Variants in CORO2B observed in about 807,000 individuals in gnomAD.
CORO2B encodes coronin-2B.
Under a neutral mutation model 58.8 loss-of-function variants are expected in CORO2B, and 26 were observed. The observed-to-expected ratio is 0.44, with a 90% confidence interval of 0.32 to 0.61. CORO2B has a LOEUF of 0.61. CORO2B is among the 20% of genes least tolerant of loss of function. The pLI, the probability that CORO2B is intolerant of heterozygous loss-of-function variation, is 0.04. For missense variants in CORO2B, 460 were observed against 645.1 expected (o/e 0.71, Z 3.11); for synonymous variants, 242 against 253.8 (o/e 0.95, Z 0.44).
chr15:68,723,512 T>G (rs1262971660), intron 11 of CORO2B, among the ~76,000 whole-genome samples: 1 of 151,850 alleles, frequency 6.6e-6, no homozygotes, highest in Non-Finnish European at 1.5e-5. Flanking sequence ...TGGAGTGCAG[T>G]GGCATGATCT....
intron 2 of CORO2B, among the ~76,000 whole-genome samples, chr15:68,670,853 C>G (rs1902368185): frequency 6.6e-6 from 1 of 152,146 alleles, no homozygotes; most frequent in African/African-American, 2.4e-5. Flanking sequence ...GAGTTGCTGA[C>G]AGGAGTGTAA....
At chr15:68,670,899 C>A (rs533668380) in intron 2 of CORO2B, among the ~76,000 whole-genome samples, 1 of 152,282 alleles carries the variant, frequency 6.6e-6, no homozygotes, top group South Asian at 2.1e-4. Flanking sequence ...TCTTAAAATT[C>A]ATAACAAAAG....
intron 2 of CORO2B, among the ~76,000 whole-genome samples, chr15:68,659,975 A>G (rs1901962493): frequency 6.6e-6 from 1 of 152,172 alleles, no homozygotes; most frequent in Non-Finnish European, 1.5e-5. Context: ...GAGGAGGAAG[A>G]AGAGGGGTTG....
At chr15:68,709,817 T>G (rs1596031719) in intron 3 of CORO2B, among the ~76,000 whole-genome samples, 1 of 152,278 alleles carries the variant, frequency 6.6e-6, no homozygotes, top group East Asian at 1.9e-4. Context: ...ACTTTGCAGT[T>G]TATAAACTGT....
intron 1 of CORO2B, among the ~76,000 whole-genome samples, chr15:68,590,213 C>G (rs188518183): frequency 6.6e-6 from 1 of 152,058 alleles, no homozygotes; most frequent in Non-Finnish European, 1.5e-5. Flanking sequence ...ACTCAGGAGC[C>G]ACAAACAAAG....
chr15:68,624,201 C>T (rs979881297), intron 1 of CORO2B, among the ~76,000 whole-genome samples: 5 of 152,158 alleles, frequency 3.3e-5, no homozygotes, highest in Non-Finnish European at 7.4e-5. Flanking sequence ...CACCACTCTA[C>T]CAATGTCGGC....
intron 1 of CORO2B, among the ~76,000 whole-genome samples, chr15:68,618,078 C>T (rs1181087185): frequency 6.6e-6 from 1 of 152,110 alleles, no homozygotes; most frequent in Admixed American, 6.5e-5. Context: ...GACTTTTTTG[C>T]TATAGTTGCT....
At chr15:68,638,454 AGTAG>A (rs1901105917) in intron 1 of CORO2B, among the ~76,000 whole-genome samples, 1 of 152,212 alleles carries the variant, frequency 6.6e-6, no homozygotes, top group African/African-American at 2.4e-5. Context: ...AGACAGGTTG[AGTAG>A]GTAGTCCAAA....
the CORO2B span, among the ~76,000 whole-genome samples, chr15:68,544,299 C>T: frequency 6.6e-6 from 1 of 152,178 alleles, no homozygotes; most frequent in Non-Finnish European, 1.5e-5. Flanking sequence ...TAAAAACATG[C>T]AGTGTGTGTG....
chr15:68,531,661 C>T, the CORO2B span, among the ~76,000 whole-genome samples: 1 of 149,550 alleles, frequency 6.7e-6, no homozygotes, highest in South Asian at 2.1e-4. Context: ...AAGAGGGAAA[C>T]TCTATCTCAA....
At chr15:68,615,557 C>T (rs189065861) in intron 1 of CORO2B, among the ~76,000 whole-genome samples, 1 of 152,284 alleles carries the variant, frequency 6.6e-6, no homozygotes, top group African/African-American at 2.4e-5. Flanking sequence ...AAATCTTAAC[C>T]CCTAAAGTTA....
the CORO2B span, among the ~76,000 whole-genome samples, chr15:68,540,605 A>G: frequency 6.6e-6 from 1 of 152,278 alleles, no homozygotes; most frequent in South Asian, 2.1e-4. Context: ...TGTATGCAGC[A>G]GAGCTGCTGT....
At chr15:68,648,102 G>A (rs1901512284) in intron 2 of CORO2B, among the ~76,000 whole-genome samples, 1 of 151,322 alleles carries the variant, frequency 6.6e-6, no homozygotes, top group Non-Finnish European at 1.5e-5. Flanking sequence ...GGAGGCCGAG[G>A]TGGGTGGATC....
chr15:68,553,436 G>GT, the CORO2B span, among the ~76,000 whole-genome samples: 2 of 152,178 alleles, frequency 1.3e-5, no homozygotes, highest in African/African-American at 2.4e-5. Context: ...AGTGATACAA[G>GT]GAAGGGCCCA....
intron 2 of CORO2B, among the ~76,000 whole-genome samples, chr15:68,682,903 T>G (rs1389375459): frequency 3.3e-5 from 5 of 151,674 alleles, no homozygotes; most frequent in Admixed American, 3.3e-4. Context: ...ACAGGAGAGG[T>G]GTGTGGAATT....
the CORO2B span, among the ~76,000 whole-genome samples, chr15:68,568,596 A>G: frequency 6.6e-6 from 1 of 152,144 alleles, no homozygotes. Context: ...AATAGTACCA[A>G]TCCCTTATGT....
chr15:68,573,960 G>A, the CORO2B span, among the ~76,000 whole-genome samples: 1 of 152,292 alleles, frequency 6.6e-6, no homozygotes, highest in East Asian at 1.9e-4. Context: ...GGGTCAGCTA[G>A]GTGCTGACGG....
the CORO2B span, among the ~76,000 whole-genome samples, chr15:68,558,601 C>G: frequency 4.6e-5 from 7 of 152,114 alleles, no homozygotes; most frequent in Non-Finnish European, 1.0e-4. Flanking sequence ...GTTTCAAATT[C>G]CTGGGCTCAA....
intron 1 of CORO2B, among the ~76,000 whole-genome samples, chr15:68,607,817 C>CA (rs34353055): frequency 0.051 from 5,409 of 106,124 alleles, 177 homozygotes; most frequent in Middle Eastern, 0.11. Flanking sequence ...GACCCTATCT[C>CA]AAAAAAAAAA....
Sources: allele counts gnomAD v4.1 joint callset (sites outside exome capture counted in the v4.1 genomes callset), GRCh38; gene constraint gnomAD v4.1.1; transcripts MANE v1.5; gene names NCBI Gene and HGNC (gene_info 2026-07-23, HGNC 2026-07-21).